Variants in CMC1 observed in about 807,000 individuals in gnomAD.
CMC1 encodes the protein COX assembly mitochondrial protein homolog.
CMC1 carries 14 observed loss-of-function variants against 14.1 expected under a neutral mutation model. That is an observed-to-expected ratio of 0.99 (90% confidence interval 0.66 to 1.55). CMC1 has a LOEUF of 1.55. CMC1 is among the 40% of genes most tolerant of loss of function. CMC1 has a pLI of 0.00. For missense variants in CMC1, 127 were observed against 123.8 expected (o/e 1.03, Z -0.12); for synonymous variants, 50 against 38.4 (o/e 1.30, Z -1.12).
At chr3:28,317,904 C>G (rs988859270) in intron 3 of CMC1, 2 of 151,718 alleles carry the variant, frequency 1.3e-5, no homozygotes, top group African/African-American at 4.8e-5. Flanking sequence ...CTCTCACCCC[C>G]TAGAAATACA....
intron 2 of CMC1, among the ~76,000 whole-genome samples, chr3:28,265,479 A>G (rs1454522456): frequency 6.6e-6 from 1 of 152,202 alleles, no homozygotes; most frequent in Non-Finnish European, 1.5e-5. Context: ...TTATTAAATA[A>G]TTATAGGATT....
At chr3:28,283,998 T>C (rs1468604270) in intron 2 of CMC1, among the ~76,000 whole-genome samples, 1 of 152,234 alleles carries the variant, frequency 6.6e-6, no homozygotes, top group Non-Finnish European at 1.5e-5. Context: ...CCCATAGATA[T>C]ATTTTATGCC....
At chr3:28,248,034 A>G (rs1698918058) in intron 1 of CMC1, among the ~76,000 whole-genome samples, 1 of 152,130 alleles carries the variant, frequency 6.6e-6, no homozygotes, top group Non-Finnish European at 1.5e-5. Context: ...TTTAAGGTTT[A>G]GGATTAAAAA....
Position 28,321,807 on chromosome 3 carries a change from A to G in CMC1, c.*2178A>G, listed in dbSNP as rs1322583699. The stretch of plus-strand genomic sequence containing the variant: ...GGCAGCAACTCAGTAAGTCTTACAG[A>G]TGTAAATTTTACTTTAGCTAATAAG... On this transcript the variant is annotated 3_prime_UTR_variant, in exon 4 of 4. Coordinates refer to ENST00000466830, the MANE Select transcript of CMC1 (RefSeq NM_182523.2). 1 of 151,380 alleles carries G rather than the reference A, an allele frequency of 6.6e-6. No individual in the cohort carries two copies. Among genetic ancestry groups the G allele is most frequent in the South Asian group, 2.1e-4 (1 of 4,830 alleles). 9.4% of individuals were successfully genotyped at this position (151,380 alleles called of 1,614,324 possible).
At chr3:28,288,377 A>C (rs1254152894) in intron 2 of CMC1, among the ~76,000 whole-genome samples, 2 of 152,050 alleles carry the variant, frequency 1.3e-5, no homozygotes, top group African/African-American at 2.4e-5. Context: ...CATCTACTTT[A>C]TCTCCATCTT....
Position 28,322,416 on chromosome 3 carries a change from A to C in CMC1, c.*2787A>C, listed in dbSNP as rs1447196328. The C allele has an allele frequency of 6.6e-6, 1 of 151,662 alleles. No homozygotes were observed. Among genetic ancestry groups the C allele is most frequent in the Non-Finnish European group, 1.5e-5 (1 of 67,440 alleles). 9.4% of individuals were successfully genotyped at this position (151,662 alleles called of 1,614,324 possible). On this transcript the variant is annotated 3_prime_UTR_variant, in exon 4 of 4. Coordinates refer to ENST00000466830, the MANE Select transcript of CMC1 (RefSeq NM_182523.2). ...ATTTCTTGGTATTGTTCAAAACATT[A>C]ATCAAGCAATTATCTCATAAGACTT...
rs1913141 is a variant in CMC1, at chr3:28,253,182, G to A, written c.20-10109G>A. ...AGTCTGCCTAGATTCCTGGTGTGAA[G>A]CACTTAGTGAGAACTAACAATTGAG... On this transcript the variant is annotated intron_variant, in intron 1 of 3. Coordinates refer to ENST00000466830, the MANE Select transcript of CMC1 (RefSeq NM_182523.2). Among the ~76,000 whole-genome samples the A allele has an allele frequency of 6.4e-3, 967 of 152,266 alleles. 8 individuals are homozygous for A. The highest frequency in any genetic ancestry group is 0.022 in the African/African-American group (914 of 41,546).
chr3:28,258,060 T>TTATATATATATATATATATA lies in CMC1; in HGVS notation c.20-5224_20-5205dup, dbSNP rs56153777. ...TCTTGATTAATGATTTTGAGCACCT[T>TTATATATATATATATATATA]TATATATATATATATATATATATAT... On this transcript the variant is annotated intron_variant, in intron 1 of 3. Transcript: ENST00000466830. 1.0e-3 allele frequency among the ~76,000 whole-genome samples: 135 copies of TTATATATATATATATATATA among 135,362 alleles called. 1 individual carries two copies. Among genetic ancestry groups the TTATATATATATATATATATA allele is most frequent in the South Asian group, 3.4e-3 (15 of 4,350 alleles). The allele number at this position is 135,362 out of a possible 152,430, so 88.8% of individuals were successfully genotyped here. A position where few individuals can be genotyped will look rare whatever the true frequency, so the allele number is the denominator to read the frequency against.
rs180725562 is a variant in CMC1, at chr3:28,292,283, A to G, written c.110-24050A>G. Reference sequence around the variant, plus strand: ...TAAAACTCTGTTTATCTTATAGAATATTGAGGAAGAGTTTAAGAGCTTACA... The same window carrying G: ...TAAAACTCTGTTTATCTTATAGAATGTTGAGGAAGAGTTTAAGAGCTTACA... On this transcript the variant is annotated intron_variant, in intron 2 of 3. Coordinates refer to ENST00000466830, the MANE Select transcript of CMC1 (RefSeq NM_182523.2). Among the ~76,000 whole-genome samples, 20 of 152,088 alleles carry G rather than the reference A, an allele frequency of 1.3e-4. No homozygotes were observed. In the East Asian group the frequency reaches 2.7e-3, roughly 21 times the overall value.
Position 28,321,504 on chromosome 3 carries a change from G to A in CMC1, c.*1875G>A, listed in dbSNP as rs1442778636. Reference sequence around the variant, plus strand: ...ATTGTAGCCTTCAGAATACCCATGTGTATCCATACTGAAGATTTTTTTCAC... The same window carrying A: ...ATTGTAGCCTTCAGAATACCCATGTATATCCATACTGAAGATTTTTTTCAC... On this transcript the variant is annotated 3_prime_UTR_variant, in exon 4 of 4. Transcript: ENST00000466830. The A allele has an allele frequency of 2.0e-5, 3 of 151,332 alleles. No individual in the cohort carries two copies. Among genetic ancestry groups the A allele is most frequent in the Non-Finnish European group, 4.4e-5 (3 of 67,554 alleles). The allele number at this position is 151,332 out of a possible 1,614,324, so 9.4% of individuals were successfully genotyped here.
intron 1 of CMC1, among the ~76,000 whole-genome samples, chr3:28,243,266 T>G (rs1362376729): frequency 6.6e-6 from 1 of 152,046 alleles, no homozygotes; most frequent in Non-Finnish European, 1.5e-5. Context: ...GTGTTCGCCA[T>G]GCTGGTCTGG....
Position 28,321,221 on chromosome 3 carries a change from C to T in CMC1, c.*1592C>T, listed in dbSNP as rs1703177287. ...ATAGGGGCAAACATGCCCATATTTC[C>T]ACATTGACCTTTGGTATTGGTGCAT... On this transcript the variant is annotated 3_prime_UTR_variant, in exon 4 of 4. Transcript: ENST00000466830. The T allele has an allele frequency of 6.6e-6, 1 of 151,354 alleles. No homozygotes were observed. Among genetic ancestry groups the T allele is most frequent in the Admixed American group, 6.6e-5 (1 of 15,136 alleles). 9.4% of individuals were successfully genotyped at this position (151,354 alleles called of 1,614,324 possible).
intron 1 of CMC1, among the ~76,000 whole-genome samples, chr3:28,248,957 T>C (rs1698984440): frequency 6.6e-6 from 1 of 152,068 alleles, no homozygotes; most frequent in Admixed American, 6.5e-5. Context: ...GTCCGGCTAA[T>C]TTTTTTGTAT....
intron 2 of CMC1, among the ~76,000 whole-genome samples, chr3:28,268,396 G>T (rs1700112444): frequency 6.6e-6 from 1 of 152,168 alleles, no homozygotes; most frequent in Admixed American, 6.5e-5. Context: ...ACTGTATTGT[G>T]ACAACACATG....
intron 2 of CMC1, chr3:28,297,016 G>A (rs2125564358): frequency 6.6e-6 from 1 of 152,164 alleles, no homozygotes; most frequent in African/African-American, 2.4e-5. Context: ...CTTTACTGCT[G>A]TGTGATATTT....
At chr3:28,252,147 A>G (rs1277183651) in intron 1 of CMC1, among the ~76,000 whole-genome samples, 1 of 152,220 alleles carries the variant, frequency 6.6e-6, no homozygotes, top group Non-Finnish European at 1.5e-5. Context: ...CTCTTGGTTA[A>G]AGCAGTGTGG....
intron 2 of CMC1, among the ~76,000 whole-genome samples, chr3:28,301,871 C>T (rs1302653547): frequency 6.6e-6 from 1 of 151,774 alleles, no homozygotes; most frequent in African/African-American, 2.4e-5. Context: ...CTTTTTTCAG[C>T]CTATAGTACT....
In CMC1 at chr3:28,283,528, A is replaced by G. The variant is rs1357457380; in HGVS notation, c.109+20148A>G. 2.5e-5 allele frequency among the ~76,000 whole-genome samples: 3 copies of G among 117,782 alleles called. No individual in the cohort carries two copies. In the Admixed American group the frequency reaches 2.7e-4, roughly 11 times the overall value. The allele number at this position is 117,782 out of a possible 152,430, so 77.3% of individuals were successfully genotyped here. On this transcript the variant is annotated intron_variant, in intron 2 of 3. Transcript: ENST00000466830. ...AGAGAGACTCCATCTCAACAGCAACAACAACAACAACAACAACAAAAACAA... is the reference window on the plus strand; with the variant it reads ...AGAGAGACTCCATCTCAACAGCAACGACAACAACAACAACAACAAAAACAA...
At chr3:28,312,475 G>A (rs1702684280) in intron 2 of CMC1, among the ~76,000 whole-genome samples, 1 of 152,188 alleles carries the variant, frequency 6.6e-6, no homozygotes, top group African/African-American at 2.4e-5. Context: ...AACTGACTAT[G>A]TGCAGAGAAA....
Sources: gnomAD v4.1 joint callset for allele counts (sites outside exome capture counted in the v4.1 genomes callset) on GRCh38, gnomAD v4.1.1 for gene constraint, MANE v1.5 for transcripts, NCBI Gene and HGNC (gene_info 2026-07-23, HGNC 2026-07-21) for gene names.